The following ATL3 variants were observed in gnomAD, a reference collection of about 807,000 sequenced individuals.
The protein encoded by ATL3 is atlastin-3.
A neutral mutation model predicts 69.5 loss-of-function variants in ATL3; 49 were observed. The observed-to-expected ratio is 0.71, with a 90% CI of 0.56 to 0.89. The LOEUF is 0.89. Among genes scored for constraint, ATL3 ranks in the 40% least tolerant of loss-of-function variants. The probability of loss-of-function intolerance (pLI) is 0.00; values close to 1 mark genes in which losing one functional copy is unlikely to be tolerated. For synonymous variants in ATL3, 214 were observed against 224.1 expected, an observed-to-expected ratio of 0.95 and a Z score of 0.40; for missense variants, 606 against 645.7, an observed-to-expected ratio of 0.94 and a Z score of 0.67.
rs906838174 is a variant in ATL3 at position 63,659,155 on chromosome 11, G to A, written c.144C>T (p.Ser48=). The change falls in exon 2 of 13, where the codon AGC becomes AGT. Residue 48 remains serine, a synonymous_variant. Coordinates refer to ENST00000398868, the MANE Select transcript of ATL3 (RefSeq NM_015459.5). ...SFELDEKALA[S]ILLQDHIRDL... Reference sequence around the variant, plus strand: ...CTCGGATGTGGTCCTGCAAGAGGATGCTGGCCAAGGCTTTCTCATCTAGCT... The same window carrying A: ...CTCGGATGTGGTCCTGCAAGAGGATACTGGCCAAGGCTTTCTCATCTAGCT... 11 of 1,614,104 alleles carry A rather than the reference G, an allele frequency of 6.8e-6. No individual in the cohort carries two copies. In the Admixed American group the frequency reaches 8.3e-5, roughly 12 times the overall value.
At position 63,628,979 on chromosome 11, in the gene ATL3, T is replaced by G. The variant is rs1356656530; in HGVS notation, c.*340A>C. 2 of 244,802 alleles carry G rather than the reference T, an allele frequency of 8.2e-6. No homozygotes were observed. Among genetic ancestry groups the G allele is most frequent in the African/African-American group, 4.4e-5 (2 of 45,218 alleles). The allele number at this position is 244,802 out of a possible 1,614,324, so 15.2% of individuals were successfully genotyped here. ...GTGTGCAAAACCATGGAATCAATCT[T>G]AAAAGGCACTAAGTGGCACATAAAG... On this transcript the variant is annotated 3_prime_UTR_variant, in exon 13 of 13. Transcript: ENST00000398868.
chr11:63,637,790 T>A (rs1305326504), intron 8 of ATL3: 1 of 152,110 alleles, frequency 6.6e-6, no homozygotes, highest in East Asian at 1.9e-4. Context: ...CAGACTATAA[T>A]ATGAAAAATG....
chr11:63,629,364 C>A lies in ATL3; in HGVS notation c.1581G>T (p.Arg527Ser). 1 of 1,614,178 alleles carries A rather than the reference C, an allele frequency of 6.2e-7. No homozygotes were observed. Residue 527 changes from arginine to serine, a missense_variant, in exon 13 of 13, where the codon AGG becomes AGT. By Grantham distance (110) the Arg-to-Ser change is moderately radical. Transcript: ENST00000398868. ...TGGATGGTCTTCCAACAACTGCATC[C>A]CTCACAGTGGCCTGAGTGGAATTAC... Reference protein sequence around the residue: ...HIGNSTQATVRDAVVGRPSMD... With the variant: ...HIGNSTQATVSDAVVGRPSMD...
At chr11:63,663,861 T>TAACCC in intron 1 of ATL3, among the ~76,000 whole-genome samples, 1 of 152,284 alleles carries the variant, frequency 6.6e-6, no homozygotes, top group East Asian at 1.9e-4. Flanking sequence ...AACCCAAATT[T>TAACCC]ATAGCTAGGA....
At chr11:63,665,270 C>T (rs1237606816) in intron 1 of ATL3, among the ~76,000 whole-genome samples, 7 of 150,508 alleles carry the variant, frequency 4.7e-5, no homozygotes, top group African/African-American at 7.4e-5. Flanking sequence ...GCTTGAACCC[C>T]GGGAGGCGGA....
intron 8 of ATL3, among the ~76,000 whole-genome samples, chr11:63,637,207 C>A (rs181178751): frequency 6.7e-6 from 1 of 150,320 alleles, no homozygotes; most frequent in East Asian, 2.0e-4. Context: ...ACCCGGAAGG[C>A]AGAGGTTGCA....
intron 12 of ATL3, among the ~76,000 whole-genome samples, chr11:63,630,800 CAAAAA>C (rs58752695): frequency 9.1e-6 from 1 of 109,920 alleles, no homozygotes. Context: ...GACTTTGTCT[CAAAAA>C]AAAAAAAAAA....
At chr11:63,662,636 C>T in intron 1 of ATL3, among the ~76,000 whole-genome samples, 1 of 152,088 alleles carries the variant, frequency 6.6e-6, no homozygotes, top group African/African-American at 2.4e-5. Context: ...TTCATCACCA[C>T]ACCCAGCTAA....
intron 5 of ATL3, among the ~76,000 whole-genome samples, chr11:63,649,954 A>G (rs1940019022): frequency 6.6e-6 from 1 of 151,962 alleles, no homozygotes; most frequent in African/African-American, 2.4e-5. Flanking sequence ...GCATTGATCT[A>G]TTTTTTCCTG....
intron 5 of ATL3, 42 bp downstream of exon 5, chr11:63,651,894 T>C: frequency 2.6e-6 from 4 of 1,562,236 alleles, no homozygotes; most frequent in Non-Finnish European, 3.4e-6. Context: ...TCTTAAAACT[T>C]TTAAATAATA....
upstream of ATL3, chr11:63,671,598 C>G (rs1168530290): frequency 1.4e-6 from 2 of 1,423,130 alleles, no homozygotes; most frequent in Admixed American, 2.5e-5. Context: ...AATCCCGCCA[C>G]CGCCTGCCGC....
At position 63,654,894 on chromosome 11, in the gene ATL3, T is replaced by TA. The variant is rs531751594; in HGVS notation, c.406-2320dup. ...GTATTTTTAGTTGAGCAAGACTGTC[T>TA]AAAAAAAAAAAAAAAAGTTGTTTTC... On this transcript the variant is annotated intron_variant, in intron 3 of 12. Coordinates refer to ENST00000398868, the MANE Select transcript of ATL3 (RefSeq NM_015459.5). Among the ~76,000 whole-genome samples, 845 of 133,534 alleles carry TA rather than the reference T, an allele frequency of 6.3e-3. 5 individuals carry two copies. The highest frequency in any genetic ancestry group is 0.026 in the Middle Eastern group (7 of 268). 87.6% of individuals were successfully genotyped at this position (133,534 alleles called of 152,430 possible).
chr11:63,656,149 G>C (rs184608778), intron 3 of ATL3, among the ~76,000 whole-genome samples: 1 of 151,624 alleles, frequency 6.6e-6, no homozygotes, highest in Non-Finnish European at 1.5e-5. Context: ...GCGTGAACCC[G>C]GGAGGCGGAG....
chr11:63,651,256 ACCAGC>A (rs1940068778), intron 5 of ATL3, among the ~76,000 whole-genome samples: 1 of 152,102 alleles, frequency 6.6e-6, no homozygotes, highest in African/African-American at 2.4e-5. Flanking sequence ...ACAATTTGAG[ACCAGC>A]CGGACCGACA....
intron 10 of ATL3, among the ~76,000 whole-genome samples, chr11:63,634,829 C>T (rs545196887): frequency 1.3e-3 from 202 of 152,086 alleles, no homozygotes; most frequent in African/African-American, 4.7e-3. Flanking sequence ...CCAGCCTGGG[C>T]GACACAGCAA....
intron 8 of ATL3, among the ~76,000 whole-genome samples, chr11:63,642,529 C>T (rs558185555): frequency 6.6e-6 from 1 of 152,250 alleles, no homozygotes; most frequent in East Asian, 1.9e-4. Context: ...AGAAGAACCC[C>T]TATTTTAGCC....
intron 1 of ATL3, among the ~76,000 whole-genome samples, chr11:63,663,920 C>G (rs879494718): frequency 1.3e-5 from 2 of 152,164 alleles, no homozygotes; most frequent in African/African-American, 2.4e-5. Context: ...CTGGAAATAA[C>G]AGACACAACT....
At chr11:63,671,707 G>T (rs1472181600), upstream of ATL3, 3 of 1,295,688 alleles carry the variant, frequency 2.3e-6, no homozygotes, top group African/African-American at 4.7e-5. Flanking sequence ...CCCGGCCAGC[G>T]GTCCTCATAC....
In ATL3 at chr11:63,631,396, G is replaced by T. The variant is rs1258221734; in HGVS notation, c.1183C>A (p.Leu395Met). ...TTCTTGGTCTTCTTAAAATGGTCCA[G>T]AGCAAGTTGTTTGAATTCACAGTGC... ...EKHCEFKQLA[L>M]DHFKKTKKMG... is the part of the protein sequence containing the mutation. Residue 395 changes from leucine to methionine, a missense_variant, in exon 12 of 13, where the codon CTG becomes ATG. Transcript: ENST00000398868. The T allele has an allele frequency of 1.2e-6, 2 of 1,614,178 alleles. No individual in the cohort carries two copies. The highest frequency in any genetic ancestry group is 1.7e-6 in the Non-Finnish European group (2 of 1,180,042).
Sources: allele counts gnomAD v4.1 joint callset (sites outside exome capture counted in the v4.1 genomes callset), GRCh38; gene constraint gnomAD v4.1.1; transcripts MANE v1.5; gene names NCBI Gene and HGNC (gene_info 2026-07-23, HGNC 2026-07-21).